STX5: variants seen among roughly 807,000 people sequenced by gnomAD.
The protein encoded by STX5 is syntaxin 5.
A neutral mutation model predicts 42.9 loss-of-function variants in STX5; 15 were observed. The ratio of observed to expected loss-of-function variants is 0.35; its 90% CI spans 0.23 to 0.54. The LOEUF (loss-of-function observed/expected upper bound fraction) is 0.54, where lower values mean the gene tolerates loss of function less well. Ranked by LOEUF, STX5 falls within the 20% of genes least tolerant of loss-of-function variation. STX5 has a pLI of 0.91. For synonymous variants in STX5, 184 were observed against 173.2 expected (o/e 1.06, Z -0.49); for missense variants, 430 against 455.0 (o/e 0.95, Z 0.50).
intron 10 of STX5, among the ~76,000 whole-genome samples, chr11:62,812,888 G>A (rs1294640224): frequency 6.6e-6 from 1 of 151,532 alleles, no homozygotes; most frequent in Non-Finnish European, 1.5e-5. Flanking sequence ...CGAGGTGGGC[G>A]GATCACGAGG....
At chr11:62,808,016 G>A in intron 10 of STX5, 1 of 195,980 alleles carries the variant, frequency 5.1e-6, no homozygotes, top group Non-Finnish European at 1.1e-5. Context: ...TATCTGGTGA[G>A]TATGTATTAT....
chr11:62,816,713 G>A (rs1017028175), intron 10 of STX5, among the ~76,000 whole-genome samples: 1 of 124,504 alleles, frequency 8.0e-6, no homozygotes, highest in Non-Finnish European at 1.7e-5. Flanking sequence ...GGTGAAACCC[G>A]CCTTTACTGA....
intron 2 of STX5, chr11:62,830,543 G>A (rs1209965044): frequency 2.2e-6 from 1 of 456,928 alleles, no homozygotes; most frequent in Admixed American, 2.4e-5. Flanking sequence ...TTGAAAAACA[G>A]ATCTCAAAAC....
At chr11:62,827,680 T>A (rs755329130) in intron 2 of STX5, 49 bp from the exon 3 acceptor site, 9 of 1,601,130 alleles carry the variant, frequency 5.6e-6, no homozygotes, top group Non-Finnish European at 7.7e-6. Context: ...CCTTCCCCAG[T>A]TCCAGCTTTC....
At position 62,831,181 on chromosome 11, in the gene STX5, T is replaced by G; in HGVS notation, c.63A>C (p.Ser21=). The change falls in exon 2 of 11, where the codon TCA becomes TCC. Residue 21 remains serine, a synonymous_variant. Transcript: ENST00000294179. ...NTDQGVYLGL[S]KTQVLSPATA... is the part of the protein sequence containing the mutation. ...TTGCAGGGGACAGGACCTGTGTCTTTGAGAGACCCAGGTAGACACCCTGAT... is the reference window on the plus strand; with the variant it reads ...TTGCAGGGGACAGGACCTGTGTCTTGGAGAGACCCAGGTAGACACCCTGAT... 6.4e-7 allele frequency: 1 copy of G among 1,565,518 alleles called. No homozygotes were observed. The highest frequency in any genetic ancestry group is 1.2e-5 in the South Asian group (1 of 85,378).
At chr11:62,826,879 CAAAAAA>C in intron 5 of STX5, among the ~76,000 whole-genome samples, 1 of 65,658 alleles carries the variant, frequency 1.5e-5, no homozygotes, top group Admixed American at 1.9e-4. Context: ...AACTCTGCCT[CAAAAAA>C]AAAAAAAAAA....
In STX5 at chr11:62,827,471, A is replaced by G. The variant is rs1256601747; in HGVS notation, c.297-73T>C. ...TCCCACATAAGCTCCAGCATAACCA[A>G]TCCCAGACTTCACAGCCAAGGCCAC... On this transcript the variant is annotated intron_variant, in intron 3 of 10. Transcript: ENST00000294179. 12 of 1,612,590 alleles carry G rather than the reference A, an allele frequency of 7.4e-6. No individual in the cohort carries two copies. In the South Asian group the frequency reaches 8.8e-5, roughly 12 times the overall value.
At chr11:62,823,952 G>T in intron 10 of STX5, 1 of 636,984 alleles carries the variant, frequency 1.6e-6, no homozygotes, top group Non-Finnish European at 2.7e-6. Context: ...TGTTCTACTT[G>T]CCACTGTATC....
At chr11:62,828,637 A>G (rs1175719472) in intron 2 of STX5, among the ~76,000 whole-genome samples, 1 of 152,122 alleles carries the variant, frequency 6.6e-6, no homozygotes, top group African/African-American at 2.4e-5. Context: ...GAGGCCGGAG[A>G]ATCACTTGAA....
chr11:62,823,863 T>C (rs893658175), intron 10 of STX5: 21 of 357,758 alleles, frequency 5.9e-5, no homozygotes, highest in African/African-American at 3.1e-4. Flanking sequence ...TGTCAGTTCT[T>C]TTCCACAGCT....
At position 62,831,024 on chromosome 11, in the gene STX5, G is replaced by A. The variant is rs751112382; in HGVS notation, c.220C>T (p.Arg74Cys). The part of the protein sequence containing the change: ...FLSACKSLQT[R>C]QNGIQTNKPA... ...TTTCCACTCCAGGTCCTTACCTGACGGGTCTGCAGCGACTTGCAGGCAGAC... is the reference window on the plus strand; with the variant it reads ...TTTCCACTCCAGGTCCTTACCTGACAGGTCTGCAGCGACTTGCAGGCAGAC... Residue 74 changes from arginine to cysteine, a missense_variant, in exon 2 of 11, where the codon CGT (arginine) becomes TGT (cysteine). Physicochemically the swap from Arg to Cys is radical, Grantham distance 180 (BLOSUM62 -3). Coordinates refer to ENST00000294179, the MANE Select transcript of STX5 (RefSeq NM_003164.5). 3.7e-5 allele frequency: 57 copies of A among 1,550,418 alleles called. No homozygotes were observed. Among genetic ancestry groups the A allele is most frequent in the East Asian group, 1.2e-4 (5 of 41,100 alleles).
In STX5 at chr11:62,812,073, CT is replaced by C. The variant is rs1192177705; in HGVS notation, c.909-4446del. ...TGGATTGAGGAAAGAACTCAAATAC[CT>C]TTTTTTTTTTTTTTTTTTTTGAGAT... On this transcript the variant is annotated intron_variant, in intron 10 of 10. Transcript: ENST00000294179. Among the ~76,000 whole-genome samples, 188 of 113,816 alleles carry C rather than the reference CT, an allele frequency of 1.7e-3. 1 individual carries two copies. The highest frequency in any genetic ancestry group is 2.3e-3 in the South Asian group (8 of 3,520). 74.7% of individuals were successfully genotyped at this position (113,816 alleles called of 152,430 possible).
At chr11:62,829,714 G>A (rs1429482492) in intron 2 of STX5, among the ~76,000 whole-genome samples, 1 of 151,962 alleles carries the variant, frequency 6.6e-6, no homozygotes, top group African/African-American at 2.4e-5. Context: ...GCAGTGAGAT[G>A]AGATAGAACC....
chr11:62,825,730 T>C (rs1476183023), intron 5 of STX5, among the ~76,000 whole-genome samples, 191 bp from the exon 6 acceptor site: 2 of 152,176 alleles, frequency 1.3e-5, no homozygotes, highest in African/African-American at 4.8e-5. Context: ...GCTCAGTCCC[T>C]GCAGAGAAGA....
At chr11:62,827,468 C>T in intron 3 of STX5, 70 bp from the exon 4 acceptor site, 1 of 1,613,186 alleles carries the variant, frequency 6.2e-7, no homozygotes, top group Non-Finnish European at 8.5e-7. Context: ...TCCAGCATAA[C>T]CAATCCCAGA....
chr11:62,825,352 G>C lies in STX5; in HGVS notation c.541-13C>G, dbSNP rs772732938. On this transcript the variant is annotated splice_polypyrimidine_tract_variant and intron_variant, in intron 6 of 10. Coordinates refer to ENST00000294179, the MANE Select transcript of STX5 (RefSeq NM_003164.5). ...AAGCCAGTTTCGACTAGAAGAAAAG[G>C]AGAGAGGGTCAACCAAAGAAGGCTC... The C allele has an allele frequency of 6.1e-5, 99 of 1,613,800 alleles. No homozygotes were observed. The Middle Eastern group carries it at 1.2e-3, about 19-fold the overall frequency.
chr11:62,807,737 TTATA>T (rs1311394441), intron 10 of STX5, 109 bp from the exon 11 acceptor site: 2 of 1,507,818 alleles, frequency 1.3e-6, no homozygotes, highest in Non-Finnish European at 1.8e-6. Flanking sequence ...GATCCCATTC[TTATA>T]TATATTTGTG....
chr11:62,826,567 TAATAAATAAATA>T (rs528848297), intron 5 of STX5, among the ~76,000 whole-genome samples: 2 of 148,920 alleles, frequency 1.3e-5, no homozygotes, highest in Non-Finnish European at 1.5e-5. Flanking sequence ...CAAAAAATAA[TAATAAATAAATA>T]AATAAATAAA....
intron 10 of STX5, chr11:62,816,215 A>C (rs562473016): frequency 2.6e-5 from 4 of 152,318 alleles, no homozygotes; most frequent in Non-Finnish European, 5.9e-5. Flanking sequence ...TTAACTGTTG[A>C]ATGTAGGTTG....
Sources: allele counts gnomAD v4.1 joint callset (sites outside exome capture counted in the v4.1 genomes callset), GRCh38; gene constraint gnomAD v4.1.1; transcripts MANE v1.5; gene names NCBI Gene and HGNC (gene_info 2026-07-23, HGNC 2026-07-21).